The following ARHGAP22 variants were observed in gnomAD, a reference collection of about 807,000 sequenced individuals.
ARHGAP22 encodes the protein rho GTPase-activating protein 22.
In ARHGAP22, 48 loss-of-function variants were observed where a neutral mutation model predicts 59.1. The ratio of observed to expected loss-of-function variants is 0.81; its 90% confidence interval spans 0.64 to 1.03. The LOEUF (loss-of-function observed/expected upper bound fraction) is 1.03, where lower values mean the gene tolerates loss of function less well. Among genes scored for constraint, ARHGAP22 ranks in the 50% least tolerant of loss-of-function variants. The probability of loss-of-function intolerance (pLI) is 0.00; values close to 1 mark genes in which losing one functional copy is unlikely to be tolerated. For synonymous variants in ARHGAP22, 445 were observed against 416.4 expected, an observed-to-expected ratio of 1.07 and a Z score of -0.84; for missense variants, 1,015 against 958.7, an observed-to-expected ratio of 1.06 and a Z score of -0.78.
At chr10:48,586,711 G>A (rs148454420) in intron 1 of ARHGAP22, among the ~76,000 whole-genome samples, 190 of 152,340 alleles carry the variant, frequency 1.2e-3, no homozygotes, top group African/African-American at 3.4e-3. Context: ...AAAATGGCAC[G>A]TAGTTATTGT....
chr10:48,463,111 C>T (rs114204882), intron 4 of ARHGAP22, among the ~76,000 whole-genome samples: 356 of 152,328 alleles, frequency 2.3e-3, no homozygotes, highest in African/African-American at 8.2e-3. Flanking sequence ...AAAATCCAGA[C>T]GTGGTGACAC....
chr10:48,577,247 A>G (rs1013394883), intron 2 of ARHGAP22, among the ~76,000 whole-genome samples: 4 of 152,082 alleles, frequency 2.6e-5, no homozygotes, highest in African/African-American at 4.8e-5. Flanking sequence ...CTCTCTGAGG[A>G]TATTACAGTA....
At chr10:48,538,667 G>C (rs187068962) in intron 3 of ARHGAP22, among the ~76,000 whole-genome samples, 36 of 152,314 alleles carry the variant, frequency 2.4e-4, no homozygotes, top group African/African-American at 8.7e-4. Flanking sequence ...TTACACCTGG[G>C]AATGCACTAC....
chr10:48,455,599 G>T (rs1589450740), intron 5 of ARHGAP22, among the ~76,000 whole-genome samples: 1 of 152,218 alleles, frequency 6.6e-6, no homozygotes, highest in African/African-American at 2.4e-5. Context: ...ATGGGCCAGG[G>T]AGCCCCTTCC....
chr10:48,462,930 GC>G (rs2047294139), intron 4 of ARHGAP22, among the ~76,000 whole-genome samples: 1 of 152,226 alleles, frequency 6.6e-6, no homozygotes, highest in Non-Finnish European at 1.5e-5. Context: ...GTGACACTGA[GC>G]CCCTGCTGTC....
upstream of ARHGAP22, among the ~76,000 whole-genome samples, chr10:48,655,052 T>C (rs1355508761): frequency 3.7e-4 from 14 of 37,678 alleles, 1 homozygote; most frequent in African/African-American, 1.6e-3. Context: ...CTTTCTTTCT[T>C]TCTCCTTCCT....
the ARHGAP22 span, chr10:48,430,498 C>T: frequency 1.3e-5 from 2 of 152,366 alleles, no homozygotes; most frequent in Non-Finnish European, 2.9e-5. Context: ...ACAGGAGGCG[C>T]ATATATTAAT....
At chr10:48,522,854 A>C (rs1263867948) in intron 3 of ARHGAP22, among the ~76,000 whole-genome samples, 2 of 152,240 alleles carry the variant, frequency 1.3e-5, no homozygotes, top group African/African-American at 4.8e-5. Context: ...TTGGTTGCAA[A>C]GAGGCTCAAC....
chr10:48,599,719 C>A (rs2060271119), intron 1 of ARHGAP22, among the ~76,000 whole-genome samples: 2 of 152,236 alleles, frequency 1.3e-5, no homozygotes, highest in African/African-American at 2.4e-5. Flanking sequence ...ATCAGTTCCC[C>A]CTCCCCTTTC....
At chr10:48,489,651 T>G (rs1234595795) in intron 3 of ARHGAP22, among the ~76,000 whole-genome samples, 5 of 152,220 alleles carry the variant, frequency 3.3e-5, no homozygotes, top group African/African-American at 1.2e-4. Flanking sequence ...TTTCTGGTTT[T>G]TCCTCTTTTT....
At chr10:48,567,202 A>G (rs534935628) in intron 2 of ARHGAP22, among the ~76,000 whole-genome samples, 1 of 152,150 alleles carries the variant, frequency 6.6e-6, no homozygotes, top group Non-Finnish European at 1.5e-5. Flanking sequence ...GCCTCATCTC[A>G]CTGTATTCCT....
At chr10:48,510,558 C>T (rs1159549824) in intron 3 of ARHGAP22, 1 of 152,266 alleles carries the variant, frequency 6.6e-6, no homozygotes, top group Non-Finnish European at 1.5e-5. Flanking sequence ...GGCTCGGCTT[C>T]CTCCCTGCAC....
At chr10:48,474,308 A>C (rs1287463512) in intron 4 of ARHGAP22, among the ~76,000 whole-genome samples, 2 of 152,184 alleles carry the variant, frequency 1.3e-5, no homozygotes, top group Admixed American at 6.5e-5. Context: ...TGTATCCTTC[A>C]ACCTTGCTGA....
At chr10:48,514,235 G>A (rs995464870) in intron 3 of ARHGAP22, among the ~76,000 whole-genome samples, 1 of 152,006 alleles carries the variant, frequency 6.6e-6, no homozygotes, top group Non-Finnish European at 1.5e-5. Flanking sequence ...AAAAAAGGTA[G>A]AAAGAATATT....
chr10:48,592,954 AAC>A (rs1230691604), intron 1 of ARHGAP22, among the ~76,000 whole-genome samples: 1 of 152,254 alleles, frequency 6.6e-6, no homozygotes, highest in Non-Finnish European at 1.5e-5. Flanking sequence ...CGCTCAGAGC[AAC>A]AGTCAGATCT....
rs1213296193 is a variant in ARHGAP22, at chr10:48,511,899, A to G, written c.323-32135T>C. Among the ~76,000 whole-genome samples the G allele has an allele frequency of 2.6e-5, 4 of 152,230 alleles. No homozygotes were observed. In the South Asian group the frequency reaches 6.2e-4, roughly 24 times the overall value. ...GGGCTCGCAAGTGGATCTGACTGTG[A>G]CAGGCTGAAGAACAGCAGTCCCTGG... is the stretch of plus-strand genomic sequence containing the variant. On this transcript the variant is annotated intron_variant, in intron 3 of 9. Coordinates refer to ENST00000249601, the MANE Select transcript of ARHGAP22 (RefSeq NM_021226.4).
rs59400743 is a variant in ARHGAP22, at chr10:48,482,847, A to G, written c.323-3083T>C. Among the ~76,000 whole-genome samples, 287 of 152,170 alleles carry G rather than the reference A, an allele frequency of 1.9e-3. 4 individuals are homozygous for G. Among genetic ancestry groups the G allele is most frequent in the African/African-American group, 6.7e-3 (278 of 41,530 alleles). On this transcript the variant is annotated intron_variant, in intron 3 of 9. Coordinates refer to ENST00000249601, the MANE Select transcript of ARHGAP22 (RefSeq NM_021226.4). ...AATATGCAATACATTGTTGTTAACT[A>G]TTGTTACTCTACCCTGCTATGGAAC... is the stretch of plus-strand genomic sequence containing the variant.
chr10:48,536,472 C>G (rs900360135), intron 3 of ARHGAP22, among the ~76,000 whole-genome samples: 1 of 152,228 alleles, frequency 6.6e-6, no homozygotes, highest in Non-Finnish European at 1.5e-5. Flanking sequence ...TGTTGCATAG[C>G]TCAGAAGACC....
At chr10:48,551,534 T>C (rs1194185270) in intron 3 of ARHGAP22, among the ~76,000 whole-genome samples, 2 of 152,230 alleles carry the variant, frequency 1.3e-5, no homozygotes, top group Non-Finnish European at 2.9e-5. Context: ...CAGTCACCCT[T>C]TCTCTCAGCC....
Sources: allele counts gnomAD v4.1 joint callset (sites outside exome capture counted in the v4.1 genomes callset), GRCh38; gene constraint gnomAD v4.1.1; transcripts MANE v1.5; gene names NCBI Gene and HGNC (gene_info 2026-07-23, HGNC 2026-07-21).